Variants in GRXCR1 observed in about 807,000 individuals in gnomAD.
GRXCR1 encodes the protein glutaredoxin and cysteine rich domain containing 1, also known as glutaredoxin domain-containing cysteine-rich protein 1.
Under a neutral mutation model 27.3 loss-of-function variants are expected in GRXCR1, and 27 were observed. The ratio of observed to expected loss-of-function variants is 0.99; its 90% CI spans 0.73 to 1.37. GRXCR1 has a LOEUF of 1.37. Ranked by LOEUF, GRXCR1 falls within the 40% of genes most tolerant of loss-of-function variation. The pLI, the probability that GRXCR1 is intolerant of heterozygous loss-of-function variation, is 0.00. For missense variants in GRXCR1, 379 were observed against 354.4 expected (o/e 1.07, Z -0.56); for synonymous variants, 122 against 131.1 (o/e 0.93, Z 0.47).
At chr4:42,909,521 G>A (rs1030568768) in intron 1 of GRXCR1, among the ~76,000 whole-genome samples, 4 of 152,100 alleles carry the variant, frequency 2.6e-5, no homozygotes, top group Non-Finnish European at 5.9e-5. Flanking sequence ...GCCAGAGCTC[G>A]TCCCTGCACA....
chr4:43,002,251 C>A (rs1207659389), intron 2 of GRXCR1, among the ~76,000 whole-genome samples: 17 of 152,294 alleles, frequency 1.1e-4, no homozygotes, highest in African/African-American at 4.1e-4. Flanking sequence ...CTTTCTCATC[C>A]CACGAGGCCA....
chr4:42,901,177 G>A (rs1418993068), intron 1 of GRXCR1, among the ~76,000 whole-genome samples: 1 of 152,156 alleles, frequency 6.6e-6, no homozygotes, highest in Non-Finnish European at 1.5e-5. Context: ...AAAGCCTGCG[G>A]TATCCATATT....
chr4:43,001,567 T>C (rs1712361703), intron 2 of GRXCR1, among the ~76,000 whole-genome samples: 1 of 151,882 alleles, frequency 6.6e-6, no homozygotes, highest in Non-Finnish European at 1.5e-5. Flanking sequence ...ATGTCCTCGG[T>C]GTATGTGTCT....
intron 1 of GRXCR1, among the ~76,000 whole-genome samples, chr4:42,949,207 C>A (rs1577917095): frequency 1.3e-5 from 2 of 151,092 alleles, no homozygotes; most frequent in African/African-American, 4.8e-5. Flanking sequence ...TACACACACA[C>A]ACAAAAAAAA....
chr4:43,007,724 T>A (rs774183307), intron 2 of GRXCR1, among the ~76,000 whole-genome samples: 18 of 152,226 alleles, frequency 1.2e-4, no homozygotes, highest in Admixed American at 9.2e-4. Context: ...GCTAGAATAT[T>A]GATTTGAGTA....
At chr4:42,986,342 T>A (rs1012946987) in intron 2 of GRXCR1, among the ~76,000 whole-genome samples, 1 of 152,220 alleles carries the variant, frequency 6.6e-6, no homozygotes, top group African/African-American at 2.4e-5. Flanking sequence ...TTTCTCTGAG[T>A]GTAACCTATG....
intron 1 of GRXCR1, among the ~76,000 whole-genome samples, chr4:42,932,080 C>T (rs765561794): frequency 1.3e-5 from 2 of 151,958 alleles, no homozygotes; most frequent in Non-Finnish European, 2.9e-5. Context: ...GGGTCCTTCC[C>T]ATGACATGTG....
intron 1 of GRXCR1, among the ~76,000 whole-genome samples, chr4:42,939,208 G>C (rs150237646): frequency 0.033 from 5,013 of 151,618 alleles, 130 homozygotes; most frequent in Middle Eastern, 0.059. Context: ...TTTCATTGTG[G>C]AGATCTTTCA....
At chr4:43,022,328 G>A (rs1337500303) in intron 3 of GRXCR1, among the ~76,000 whole-genome samples, 2 of 151,970 alleles carry the variant, frequency 1.3e-5, no homozygotes, top group African/African-American at 4.8e-5. Context: ...GACTGATTTA[G>A]CTATTCTGAA....
intron 1 of GRXCR1, among the ~76,000 whole-genome samples, chr4:42,934,422 G>A (rs1747409223): frequency 1.3e-5 from 2 of 151,602 alleles, no homozygotes. Flanking sequence ...CACTCACAGA[G>A]TTTCTCTCTC....
At chr4:42,925,249 T>C (rs189775159) in intron 1 of GRXCR1, among the ~76,000 whole-genome samples, 1 of 151,968 alleles carries the variant, frequency 6.6e-6, no homozygotes, top group Non-Finnish European at 1.5e-5. Context: ...GGAAATTTAA[T>C]GGAGAGGAGA....
At chr4:42,989,694 C>T (rs1367782204) in intron 2 of GRXCR1, among the ~76,000 whole-genome samples, 1 of 152,122 alleles carries the variant, frequency 6.6e-6, no homozygotes, top group Non-Finnish European at 1.5e-5. Context: ...ACATTATGTA[C>T]TACTTAGCTT....
At chr4:42,961,193 T>C (rs1441200609) in intron 1 of GRXCR1, among the ~76,000 whole-genome samples, 1 of 152,018 alleles carries the variant, frequency 6.6e-6, no homozygotes, top group Non-Finnish European at 1.5e-5. Context: ...TTCATTTTCA[T>C]GACTGCATAG....
chr4:42,971,108 C>G (rs1056720016), intron 2 of GRXCR1, among the ~76,000 whole-genome samples: 2 of 152,136 alleles, frequency 1.3e-5, no homozygotes, highest in Admixed American at 1.3e-4. Context: ...TATAGAGTGA[C>G]CTTTACTCCA....
chr4:42,997,006 C>T (rs533105061), intron 2 of GRXCR1, among the ~76,000 whole-genome samples: 1 of 151,986 alleles, frequency 6.6e-6, no homozygotes, highest in African/African-American at 2.4e-5. Flanking sequence ...TCCTTAATTC[C>T]CACTATATCA....
At chr4:42,983,714 C>A (rs1258106961) in intron 2 of GRXCR1, among the ~76,000 whole-genome samples, 2 of 151,950 alleles carry the variant, frequency 1.3e-5, no homozygotes, top group African/African-American at 4.8e-5. Flanking sequence ...TCAAATATTT[C>A]CTATTTTAAT....
Position 42,955,810 on chromosome 4 carries a change from C to T in GRXCR1, c.385-7082C>T, listed in dbSNP as rs368837682. On this transcript the variant is annotated intron_variant, in intron 1 of 3. Coordinates refer to ENST00000399770, the MANE Select transcript of GRXCR1 (RefSeq NM_001080476.3). ...GACTCACTGGGGCAAGGCTAGGAGACCCATTTCAGGAGGGCTTTTAAAATC... is the reference window on the plus strand; with the variant it reads ...GACTCACTGGGGCAAGGCTAGGAGATCCATTTCAGGAGGGCTTTTAAAATC... 3.3e-5 allele frequency among the ~76,000 whole-genome samples: 5 copies of T among 151,998 alleles called. No homozygotes were observed. In the East Asian group the frequency reaches 5.8e-4, roughly 18 times the overall value.
Position 42,985,168 on chromosome 4 carries a change from T to C in GRXCR1, c.627+22034T>C, listed in dbSNP as rs1379471515. Among the ~76,000 whole-genome samples, 4 of 152,300 alleles carry C rather than the reference T, an allele frequency of 2.6e-5. No homozygotes were observed. The East Asian group carries it at 5.8e-4, about 22-fold the overall frequency. ...TGAAGGTATTTTCATGCCTGGATAA[T>C]TGTTCAAATTGATATTTCTGTGAGG... On this transcript the variant is annotated intron_variant, in intron 2 of 3. Transcript: ENST00000399770.
In GRXCR1 at chr4:42,892,947, A is replaced by G. The variant is rs1746265932; in HGVS notation, c.-320A>G. Among the ~76,000 whole-genome samples, 1 of 152,080 alleles carries G rather than the reference A, an allele frequency of 6.6e-6. No homozygotes were observed. The highest frequency in any genetic ancestry group is 1.5e-5 in the Non-Finnish European group (1 of 68,018). On this transcript the variant is annotated 5_prime_UTR_variant, in exon 1 of 4. Transcript: ENST00000399770. Reference sequence around the variant, plus strand: ...TTCAAGCCTTTCATTTTCTTGCCCCATACATATTTTCAGATTCGCTGCATG... The same window carrying G: ...TTCAAGCCTTTCATTTTCTTGCCCCGTACATATTTTCAGATTCGCTGCATG...
Sources: gnomAD v4.1 joint callset for allele counts (sites outside exome capture counted in the v4.1 genomes callset) on GRCh38, gnomAD v4.1.1 for gene constraint, MANE v1.5 for transcripts, NCBI Gene and HGNC (gene_info 2026-07-23, HGNC 2026-07-21) for gene names.